AKT2: variants seen among roughly 807,000 people sequenced by gnomAD.
The protein encoded by AKT2 is AKT serine/threonine kinase 2.
In AKT2, 16 loss-of-function variants were observed where a neutral mutation model predicts 58.6. The observed-to-expected ratio is 0.27, with a 90% confidence interval of 0.18 to 0.41. The LOEUF is 0.41. Among genes scored for constraint, AKT2 ranks in the 10% least tolerant of loss-of-function variants. The pLI is 1.00. For synonymous variants in AKT2, 253 were observed against 254.0 expected (o/e 1.00, Z 0.04); for missense variants, 438 against 661.0 (o/e 0.66, Z 3.70).
At chr19:40,245,687 T>C (rs1463052675) in intron 4 of AKT2, among the ~76,000 whole-genome samples, 1 of 152,146 alleles carries the variant, frequency 6.6e-6, no homozygotes, top group Non-Finnish European at 1.5e-5. Flanking sequence ...CCAGGCTTGG[T>C]AGCTGGAATT....
rs1253902711 is a variant in AKT2, at chr19:40,240,030, G to C, written c.639+15C>G. 6.2e-7 allele frequency: 1 copy of C among 1,613,466 alleles called. No individual in the cohort carries two copies. The highest frequency in any genetic ancestry group is 8.5e-7 in the Non-Finnish European group (1 of 1,179,520). ...GGCTGGCCTCACACTGTCTGGGAAG[G>C]GGAGGGCAACTCACAGTGAGGAACG... On this transcript the variant is annotated intron_variant, in intron 7 of 13. Coordinates refer to ENST00000392038, the MANE Select transcript of AKT2 (RefSeq NM_001626.6).
chr19:40,241,654 A>C (rs1004299329), intron 6 of AKT2: 11 of 471,350 alleles, frequency 2.3e-5, no homozygotes, highest in African/African-American at 2.0e-4. Context: ...CGTCCTCCCC[A>C]ACAGGCCCCA....
At chr19:40,276,343 A>ACCTTTTTTTTTT (rs1568573407) in intron 1 of AKT2, among the ~76,000 whole-genome samples, 1 of 98,854 alleles carries the variant, frequency 1.0e-5, no homozygotes, top group Non-Finnish European at 2.0e-5. Context: ...GTAAAATGGA[A>ACCTTTTTTTTTT]TCTTTTTTTT....
rs1257507141 is a variant in AKT2, at chr19:40,235,246, C to A, written c.1263+17G>T. ...CAGGTCCCTGAGGGTCCTGCTGGGG[C>A]AAGCAGTGGGGCTCACCTTCTTCTG... On this transcript the variant is annotated intron_variant, in intron 12 of 13. Coordinates refer to ENST00000392038, the MANE Select transcript of AKT2 (RefSeq NM_001626.6). This position sits in a 1 kb window ranked among gnomAD's most constrained non-coding sequence, Gnocchi z 6.3. The A allele has an allele frequency of 6.2e-7, 1 of 1,614,068 alleles. No homozygotes were observed.
At position 40,232,543 on chromosome 19, in the gene AKT2, C is replaced by T. The variant is rs1215462585; in HGVS notation, c.*1329G>A. 2 of 228,970 alleles carry T rather than the reference C, an allele frequency of 8.7e-6. No individual in the cohort carries two copies. Among genetic ancestry groups the T allele is most frequent in the African/African-American group, 4.4e-5 (2 of 44,988 alleles). The allele number at this position is 228,970 out of a possible 1,614,324, so 14.2% of individuals were successfully genotyped here. ...AGAGCAAACCCACAAAAGCTAAACT[C>T]CAAACACCCAGAGGTGTTGCTACAG... On this transcript the variant is annotated 3_prime_UTR_variant, in exon 14 of 14. Coordinates refer to ENST00000392038, the MANE Select transcript of AKT2 (RefSeq NM_001626.6).
Position 40,241,792 on chromosome 19 carries a change from G to A in AKT2, c.573+146C>T, listed in dbSNP as rs565994966. The A allele has an allele frequency of 6.3e-6, 8 of 1,261,510 alleles. No individual in the cohort carries two copies. In the South Asian group the frequency reaches 7.7e-5, roughly 12 times the overall value. 78.1% of individuals were successfully genotyped at this position (1,261,510 alleles called of 1,614,324 possible). ...GCCTGCTGCTCCTCTCTGGGCCTCA[G>A]GCTCCCCCTTTTCTGACTAGGGGGA... On this transcript the variant is annotated intron_variant, in intron 6 of 13. Coordinates refer to ENST00000392038, the MANE Select transcript of AKT2 (RefSeq NM_001626.6).
chr19:40,257,632 T>C (rs1466559663), intron 2 of AKT2, among the ~76,000 whole-genome samples: 6 of 142,254 alleles, frequency 4.2e-5, no homozygotes, highest in Non-Finnish European at 9.1e-5. Context: ...AACCCACTCA[T>C]CAGAGAGCTG....
chr19:40,246,839 C>T (rs1356780204), intron 4 of AKT2, among the ~76,000 whole-genome samples: 1 of 152,242 alleles, frequency 6.6e-6, no homozygotes, highest in African/African-American at 2.4e-5. Flanking sequence ...GCTCTGCCAC[C>T]TGGACCAGCT....
At chr19:40,247,895 C>T (rs1212808268) in intron 4 of AKT2, among the ~76,000 whole-genome samples, 1 of 152,110 alleles carries the variant, frequency 6.6e-6, no homozygotes, top group East Asian at 1.9e-4. Context: ...AAGAGCACTT[C>T]CCCCATCGGT....
At position 40,238,995 on chromosome 19, in the gene AKT2, G is replaced by T; in HGVS notation, c.640-22C>A. 6.2e-7 allele frequency: 1 copy of T among 1,611,560 alleles called. No homozygotes were observed. The highest frequency in any genetic ancestry group is 8.5e-7 in the Non-Finnish European group (1 of 1,178,050). ...GCGCCTGGGGGATGAAGGCAGCAGG[G>T]TGGGAGGTGGGAGGGAGGAGGGCTC... On this transcript the variant is annotated intron_variant, in intron 7 of 13. Transcript: ENST00000392038. This position sits in a 1 kb window ranked among gnomAD's most constrained non-coding sequence, Gnocchi z 5.1.
intron 2 of AKT2, among the ~76,000 whole-genome samples, chr19:40,263,940 C>A (rs913657184): frequency 6.6e-6 from 1 of 152,220 alleles, no homozygotes; most frequent in Non-Finnish European, 1.5e-5. Flanking sequence ...CCTCTGGCCG[C>A]CCTGCCTGCC....
chr19:40,253,340 G>C (rs966953014), intron 4 of AKT2, among the ~76,000 whole-genome samples: 5 of 152,144 alleles, frequency 3.3e-5, no homozygotes, highest in African/African-American at 9.7e-5. Context: ...TCAAAGTGAG[G>C]CCCAAAAGGA....
chr19:40,261,518 G>A (rs933999085), intron 2 of AKT2, among the ~76,000 whole-genome samples: 2 of 143,780 alleles, frequency 1.4e-5, no homozygotes, highest in African/African-American at 5.1e-5. Flanking sequence ...GGGCGACAGA[G>A]CAAGACTCCA....
At chr19:40,248,273 A>AT (rs1220751535) in intron 4 of AKT2, among the ~76,000 whole-genome samples, 2 of 152,230 alleles carry the variant, frequency 1.3e-5, no homozygotes, top group Non-Finnish European at 2.9e-5. Flanking sequence ...TGCCCAGCAC[A>AT]TTGAGGTCTC....
rs759612477 is a variant in AKT2 at position 40,239,790 on chromosome 19, T to C, written c.639+255A>G. The C allele has an allele frequency of 1.2e-4, 81 of 671,314 alleles. 1 individual carries two copies. The highest frequency in any genetic ancestry group is 2.3e-4 in the Middle Eastern group (1 of 4,276). 41.6% of individuals were successfully genotyped at this position (671,314 alleles called of 1,614,324 possible). ...CATAGAGACAGCAGCCAGCAAATAA[T>C]GTGATATCTTCAGTTAGTTCAAATG... On this transcript the variant is annotated intron_variant, in intron 7 of 13. Coordinates refer to ENST00000392038, the MANE Select transcript of AKT2 (RefSeq NM_001626.6).
rs190754979 is a variant in AKT2 at position 40,256,813 on chromosome 19, G to A, written c.175+113C>T. ...GGGAAGGGTGAAAACAGATCCAAGG[G>A]CAAGCAGGCCCAGGACAGGCCCATG... On this transcript the variant is annotated intron_variant, in intron 3 of 13. Transcript: ENST00000392038. 3.8e-3 allele frequency: 5,812 copies of A among 1,521,602 alleles called. 11 individuals are homozygous for A. Among genetic ancestry groups the A allele is most frequent in the Non-Finnish European group, 4.6e-3 (5,014 of 1,100,856 alleles). 94.3% of individuals were successfully genotyped at this position (1,521,602 alleles called of 1,614,324 possible).
At chr19:40,265,558 G>T in intron 1 of AKT2, 1 of 638,814 alleles carries the variant, frequency 1.6e-6, no homozygotes, top group Non-Finnish European at 2.6e-6. Context: ...TCTGGGGGAA[G>T]CAGAGCTCCC....
chr19:40,270,181 C>T (rs1488941566), intron 1 of AKT2, among the ~76,000 whole-genome samples: 1 of 152,228 alleles, frequency 6.6e-6, no homozygotes, highest in Non-Finnish European at 1.5e-5. Context: ...ACCCTACCTC[C>T]CCTTACCCTT....
chr19:40,275,588 C>A, intron 1 of AKT2: 1 of 308,102 alleles, frequency 3.2e-6, no homozygotes, highest in Non-Finnish European at 6.6e-6. Flanking sequence ...GCAGAACTAG[C>A]CCACAGACCT....
Sources: allele counts gnomAD v4.1 joint callset (sites outside exome capture counted in the v4.1 genomes callset), GRCh38; gene constraint gnomAD v4.1.1; non-coding constraint Gnocchi (gnomAD v3.1); transcripts MANE v1.5; gene names NCBI Gene and HGNC (gene_info 2026-07-23, HGNC 2026-07-21).